Variants in NPAS3 observed in about 807,000 individuals in gnomAD.
NPAS3 encodes neuronal PAS domain protein 3, also known as neuronal PAS domain-containing protein 3.
Under a neutral mutation model 73.1 loss-of-function variants are expected in NPAS3, and 14 were observed. That is an observed-to-expected ratio of 0.19 (90% CI 0.13 to 0.30). NPAS3 has a LOEUF of 0.30. NPAS3 is among the 10% of genes least tolerant of loss of function. The pLI, the probability that NPAS3 is intolerant of heterozygous loss-of-function variation, is 1.00. For synonymous variants in NPAS3, 620 were observed against 541.5 expected, an observed-to-expected ratio of 1.14 and a Z score of -2.01; for missense variants, 1,096 against 1,250.0, an observed-to-expected ratio of 0.88 and a Z score of 1.86.
chr14:33,385,168 T>C (rs1254031526), intron 4 of NPAS3, among the ~76,000 whole-genome samples: 1 of 152,172 alleles, frequency 6.6e-6, no homozygotes, highest in African/African-American at 2.4e-5. Context: ...GAAGGAAAAG[T>C]TCATCCCATG....
At chr14:33,470,863 C>T (rs10131323) in intron 4 of NPAS3, among the ~76,000 whole-genome samples, 48,011 of 151,252 alleles carry the variant, frequency 0.32, 12,591 homozygotes, top group African/African-American at 0.71. Flanking sequence ...ACTGAGCATC[C>T]GGCCTGAGAA....
At chr14:33,801,294 T>C, downstream of NPAS3, 2 of 1,297,824 alleles carry the variant, frequency 1.5e-6, no homozygotes, top group Non-Finnish European at 2.0e-6. Flanking sequence ...GATATGTTTA[T>C]TTTTTGCCTT....
At chr14:33,168,651 C>A (rs2045263924) in intron 2 of NPAS3, among the ~76,000 whole-genome samples, 1 of 152,084 alleles carries the variant, frequency 6.6e-6, no homozygotes, top group Admixed American at 6.5e-5. Context: ...CAGAAGGCAC[C>A]AAGGATGCTT....
intron 5 of NPAS3, among the ~76,000 whole-genome samples, chr14:33,617,344 A>G (rs2057950067): frequency 6.6e-6 from 1 of 152,174 alleles, no homozygotes; most frequent in South Asian, 2.1e-4. Flanking sequence ...AAGGTACAAG[A>G]GCAGTTGAAG....
chr14:33,366,234 T>C (rs1396816034), intron 3 of NPAS3, among the ~76,000 whole-genome samples: 2 of 152,048 alleles, frequency 1.3e-5, no homozygotes, highest in East Asian at 3.9e-4. Context: ...GATCTGTGAA[T>C]AGTTCATTGC....
At chr14:33,092,423 A>G (rs560274883) in intron 2 of NPAS3, among the ~76,000 whole-genome samples, 2 of 152,290 alleles carry the variant, frequency 1.3e-5, no homozygotes, top group Admixed American at 6.5e-5. Context: ...GATGTGGAGG[A>G]CCTCTTCAAG....
rs537032612 is a variant in NPAS3, at chr14:33,142,034, T to C, written c.141-73148T>C. ...ATTTATTTTTATCACTTATTTCTTT[T>C]GCCATTCAATGGGCTCTACCTATTT... On this transcript the variant is annotated intron_variant, in intron 2 of 11. Coordinates refer to ENST00000356141, the Ensembl canonical transcript of NPAS3. 2.6e-5 allele frequency among the ~76,000 whole-genome samples: 4 copies of C among 152,276 alleles called. No homozygotes were observed. In the South Asian group the frequency reaches 8.3e-4, roughly 32 times the overall value.
At chr14:33,673,944 T>G (rs895149159) in intron 5 of NPAS3, among the ~76,000 whole-genome samples, 31 of 152,194 alleles carry the variant, frequency 2.0e-4, no homozygotes, top group African/African-American at 7.5e-4. Flanking sequence ...ATATAAACAC[T>G]ATGATAGTGT....
At chr14:33,710,060 T>C (rs1488007104) in intron 6 of NPAS3, among the ~76,000 whole-genome samples, 1 of 152,132 alleles carries the variant, frequency 6.6e-6, no homozygotes, top group Non-Finnish European at 1.5e-5. Context: ...GAGATTGTGA[T>C]TTCTATTTGC....
intron 3 of NPAS3, among the ~76,000 whole-genome samples, chr14:33,331,338 T>C (rs2043975446): frequency 6.6e-6 from 1 of 152,234 alleles, no homozygotes; most frequent in South Asian, 2.1e-4. Flanking sequence ...TAAATCATTT[T>C]GGAAAGAATT....
At chr14:33,238,877 G>A (rs1271031520) in intron 3 of NPAS3, among the ~76,000 whole-genome samples, 2 of 151,902 alleles carry the variant, frequency 1.3e-5, no homozygotes, top group East Asian at 3.9e-4. Context: ...TGGTAATTTA[G>A]TCAGCTGAAA....
intron 5 of NPAS3, among the ~76,000 whole-genome samples, chr14:33,638,616 G>C (rs1489704621): frequency 6.6e-6 from 1 of 152,224 alleles, no homozygotes; most frequent in Non-Finnish European, 1.5e-5. Context: ...GCCATTAGTA[G>C]TTTTAATTGC....
intron 2 of NPAS3, among the ~76,000 whole-genome samples, chr14:33,081,988 T>G (rs1040666926): frequency 7.2e-5 from 11 of 152,186 alleles, no homozygotes; most frequent in African/African-American, 2.7e-4. Flanking sequence ...AAAGATTTAT[T>G]AAAAGATCAA....
exon 3 of NPAS3, chr14:33,215,314 A>G (rs575365788): frequency 6.4e-7 from 1 of 1,569,382 alleles, no homozygotes; most frequent in East Asian, 2.2e-5. Flanking sequence ...TCGACAAGGC[A>G]TCCATCATTC....
chr14:33,522,820 C>T (rs900228356), intron 4 of NPAS3, among the ~76,000 whole-genome samples: 5 of 152,070 alleles, frequency 3.3e-5, no homozygotes, highest in Non-Finnish European at 7.4e-5. Flanking sequence ...CTGAGGTAAA[C>T]GATGAGTGAA....
intron 5 of NPAS3, among the ~76,000 whole-genome samples, chr14:33,659,354 T>A (rs1438294163): frequency 6.6e-6 from 1 of 152,196 alleles, no homozygotes; most frequent in Non-Finnish European, 1.5e-5. Flanking sequence ...AGAGTCTACG[T>A]TAATGACCAG....
chr14:33,018,447 G>C (rs1454336011), intron 1 of NPAS3, among the ~76,000 whole-genome samples: 1 of 152,146 alleles, frequency 6.6e-6, no homozygotes, highest in African/African-American at 2.4e-5. Flanking sequence ...CTTTCTGAGA[G>C]ATACAATAGA....
At chr14:33,303,312 G>A (rs1322895578) in intron 3 of NPAS3, among the ~76,000 whole-genome samples, 3 of 151,892 alleles carry the variant, frequency 2.0e-5, no homozygotes, top group African/African-American at 7.3e-5. Flanking sequence ...ATAATTTACA[G>A]AGGAAAATTA....
At chr14:33,310,386 C>A (rs905250439) in intron 3 of NPAS3, among the ~76,000 whole-genome samples, 1 of 151,618 alleles carries the variant, frequency 6.6e-6, no homozygotes, top group Non-Finnish European at 1.5e-5. Flanking sequence ...CAGAAAATTA[C>A]TGGGGGATTT....
Sources: gnomAD v4.1 joint callset for allele counts (sites outside exome capture counted in the v4.1 genomes callset) on GRCh38, gnomAD v4.1.1 for gene constraint, MANE v1.5 for transcripts, NCBI Gene and HGNC (gene_info 2026-07-23, HGNC 2026-07-21) for gene names.